DNAH10: variants seen among roughly 807,000 people sequenced by gnomAD.
DNAH10 encodes the protein axonemal beta dynein heavy chain 10.
A neutral mutation model predicts 506.6 loss-of-function variants in DNAH10; 348 were observed. The observed-to-expected ratio is 0.69, with a 90% CI of 0.63 to 0.75. The LOEUF is 0.75. Among genes scored for constraint, DNAH10 ranks in the 30% least tolerant of loss-of-function variants. The pLI is 0.00. For missense variants in DNAH10, 5,179 were observed against 5,787.1 expected, an observed-to-expected ratio of 0.89 and a Z score of 3.41; for synonymous variants, 2,059 against 2,198.6, an observed-to-expected ratio of 0.94 and a Z score of 1.78.
In DNAH10 at chr12:123,881,756, A is replaced by G. The variant is rs964683087; in HGVS notation, c.8766A>G (p.Val2922=). 1.2e-5 allele frequency: 19 copies of G among 1,540,792 alleles called. No individual in the cohort carries two copies. Among genetic ancestry groups the G allele is most frequent in the Non-Finnish European group, 1.5e-5 (17 of 1,141,754 alleles). Residue 2922 remains valine (V), a synonymous_variant, in exon 51 of 79, where the codon GTA becomes GTG. Coordinates refer to ENST00000673944, the MANE Select transcript of DNAH10 (RefSeq NM_001372106.1). ...GCGGCCACGCCCTGCTGGTCGGGGTAGGGGGCTCAGGGAAGCAGTCTCTTT... is the reference window on the plus strand; with the variant it reads ...GCGGCCACGCCCTGCTGGTCGGGGTGGGGGGCTCAGGGAAGCAGTCTCTTT... ...MDRGHALLVG[V]GGSGKQSLSR... is the part of the protein sequence containing the mutation.
chr12:123,904,458 T>G (rs1166395784), intron 57 of DNAH10, among the ~76,000 whole-genome samples: 1 of 152,006 alleles, frequency 6.6e-6, no homozygotes, highest in African/African-American at 2.4e-5. Flanking sequence ...GGAAGGATTT[T>G]TGAAGGGGAT....
intron 18 of DNAH10, among the ~76,000 whole-genome samples, chr12:123,805,498 G>A (rs935499296): frequency 1.3e-5 from 2 of 152,108 alleles, no homozygotes; most frequent in African/African-American, 4.8e-5. Flanking sequence ...TTCCCTCCTG[G>A]GCCTCACCCT....
At chr12:123,807,929 A>G in intron 18 of DNAH10, among the ~76,000 whole-genome samples, 2 of 1,520 alleles carry the variant, frequency 1.3e-3, no homozygotes, top group Admixed American at 8.3e-3. Context: ...AGAGAAGGGG[A>G]GGGAAAAGGA....
At chr12:123,807,942 AGGAG>A (rs1297294858) in intron 18 of DNAH10, among the ~76,000 whole-genome samples, 7 of 1,198 alleles carry the variant, frequency 5.8e-3, no homozygotes, top group Non-Finnish European at 0.01. Flanking sequence ...GAAAAGGAGA[AGGAG>A]GGAGGGAGAG....
Position 123,853,236 on chromosome 12 carries a change from A to G in DNAH10, c.6322A>G (p.Lys2108Glu). The change falls in exon 36 of 79, where the codon AAG (lysine) becomes GAG (glutamate). Residue 2108 changes from lysine (K) to glutamate (E), a missense_variant. This residue lies in a region of DNAH10 where 4,844 missense variants were observed against 5,430.5 expected (regional missense o/e 0.89). Coordinates refer to ENST00000673944, the MANE Select transcript of DNAH10 (RefSeq NM_001372106.1). The surrounding 1 kb of genome is among the most constrained non-coding windows in gnomAD (Gnocchi z 4.7). ...GGCGAAAAAGATGACGGTTCTGTATAAGCTGGCCCGGGAGCAGCTGTCCAA... is the reference window on the plus strand; with the variant it reads ...GGCGAAAAAGATGACGGTTCTGTATGAGCTGGCCCGGGAGCAGCTGTCCAA... ...TLAKKMTVLY[K>E]LAREQLSKQY... is the part of the protein sequence containing the mutation. 6.2e-7 allele frequency: 1 copy of G among 1,610,002 alleles called. No homozygotes were observed. Among genetic ancestry groups the G allele is most frequent in the African/African-American group, 1.3e-5 (1 of 74,884 alleles).
Position 123,893,396 on chromosome 12 carries a change from A to T in DNAH10, c.9159A>T (p.Pro3053=). The change falls in exon 53 of 79, where the codon CCA becomes CCT. Residue 3053 remains proline, a synonymous_variant. Coordinates refer to ENST00000673944, the MANE Select transcript of DNAH10 (RefSeq NM_001372106.1). ...TGCACATTGTCCTGGGCATGTCGCCAGTGGGGGACACCCTGAGGACCTGGT... is the reference window on the plus strand; with the variant it reads ...TGCACATTGTCCTGGGCATGTCGCCTGTGGGGGACACCCTGAGGACCTGGT... ...NNLHIVLGMS[P]VGDTLRTWCR... 6.2e-7 allele frequency: 1 copy of T among 1,613,374 alleles called. No homozygotes were observed. Among genetic ancestry groups the T allele is most frequent in the Non-Finnish European group, 8.5e-7 (1 of 1,179,892 alleles).
At chr12:123,837,537 A>G (rs749992426) in intron 28 of DNAH10, among the ~76,000 whole-genome samples, 1 of 151,908 alleles carries the variant, frequency 6.6e-6, no homozygotes, top group Middle Eastern at 3.4e-3. Flanking sequence ...AAACATACAA[A>G]TAGATATAAA....
rs376155378 is a variant in DNAH10, at chr12:123,857,097, C to G, written c.6480C>G (p.Pro2160=). ...GGGCCTTGCGAGACATGAACTTGCC[C>G]AAATTTGTGTTTGAAGATGTTCCTC... is the stretch of plus-strand genomic sequence containing the variant. ...LMRALRDMNL[P]KFVFEDVPLF... The change falls in exon 37 of 79, where the codon CCC becomes CCG. Residue 2160 remains proline (P), a synonymous_variant. Transcript: ENST00000673944. The G allele has an allele frequency of 8.7e-6, 14 of 1,612,956 alleles. 1 individual carries two copies. The African/African-American group carries it at 1.7e-4, about 20-fold the overall frequency.
Position 123,925,322 on chromosome 12 carries a change from C to T in DNAH10, c.11921+118C>T. 1 of 1,331,412 alleles carries T rather than the reference C, an allele frequency of 7.5e-7. No individual in the cohort carries two copies. Among genetic ancestry groups the T allele is most frequent in the South Asian group, 1.3e-5 (1 of 74,334 alleles). The allele number at this position is 1,331,412 out of a possible 1,614,324, so 82.5% of individuals were successfully genotyped here. On this transcript the variant is annotated intron_variant, in intron 68 of 78. Coordinates refer to ENST00000673944, the MANE Select transcript of DNAH10 (RefSeq NM_001372106.1). This position sits in a 1 kb window ranked among gnomAD's most constrained non-coding sequence, Gnocchi z 4.0. ...AGCTCCCGAGACAGCTGTCGCCACCCTGCTGTACAATATTCGATAGCCGAT... is the reference window on the plus strand; with the variant it reads ...AGCTCCCGAGACAGCTGTCGCCACCTTGCTGTACAATATTCGATAGCCGAT...
intron 1 of DNAH10, among the ~76,000 whole-genome samples, chr12:123,766,519 A>G (rs1433853416): frequency 6.6e-6 from 1 of 152,226 alleles, no homozygotes; most frequent in Non-Finnish European, 1.5e-5. Context: ...ATAGATTTAA[A>G]TACATAGATG....
intron 21 of DNAH10, chr12:123,814,148 CCTTTT>C (rs1408066723): frequency 2.2e-5 from 8 of 361,762 alleles, no homozygotes; most frequent in Admixed American, 4.5e-5. Flanking sequence ...TTCCATTCTC[CCTTTT>C]CTTTTCTTCT....
intron 25 of DNAH10, among the ~76,000 whole-genome samples, chr12:123,828,438 A>G (rs371166680): frequency 2.0e-5 from 3 of 152,162 alleles, no homozygotes; most frequent in Non-Finnish European, 4.4e-5. Context: ...TTAGGGTGGG[A>G]GAGCTTATCT....
chr12:123,799,470 C>A, intron 14 of DNAH10, 99 bp downstream of exon 14: 2 of 1,457,572 alleles, frequency 1.4e-6, no homozygotes, highest in South Asian at 1.5e-5. Context: ...GAAGTTGGGT[C>A]AGTTTCCAGA....
chr12:123,886,494 C>CGTGT lies in DNAH10; in HGVS notation c.8824-634_8824-631dup, dbSNP rs751962813. On this transcript the variant is annotated intron_variant, in intron 51 of 78. Coordinates refer to ENST00000673944, the MANE Select transcript of DNAH10 (RefSeq NM_001372106.1). The stretch of plus-strand genomic sequence containing the variant: ...GCGCGCGCGCGCGTGTGTGTGCACA[C>CGTGT]GTGTGTGTGTGTGTGTGAGCATGTG... Among the ~76,000 whole-genome samples the CGTGT allele has an allele frequency of 5.3e-5, 8 of 151,032 alleles. No homozygotes were observed. In the East Asian group the frequency reaches 7.8e-4, roughly 15 times the overall value.
At chr12:123,803,960 A>G (rs764001537) in intron 17 of DNAH10, 135 bp downstream of exon 17, 5 of 802,546 alleles carry the variant, frequency 6.2e-6, no homozygotes, top group Non-Finnish European at 7.4e-6. Flanking sequence ...AACCATTTCT[A>G]ATGCTCTCAG....
chr12:123,906,672 A>G (rs1016577544), intron 57 of DNAH10, among the ~76,000 whole-genome samples: 1 of 152,016 alleles, frequency 6.6e-6, no homozygotes, highest in African/African-American at 2.4e-5. Flanking sequence ...TCTTTTATCT[A>G]TTGAGGATTT....
chr12:123,792,290 A>G (rs747906402), intron 11 of DNAH10, among the ~76,000 whole-genome samples: 4 of 152,072 alleles, frequency 2.6e-5, no homozygotes, highest in Admixed American at 6.6e-5. Flanking sequence ...TTATGTACCC[A>G]TTGTTAATTT....
rs747835818 is a variant in DNAH10 at position 123,926,822 on chromosome 12, T to C, written c.12105+2T>C. On this transcript the variant is annotated splice_donor_variant, in intron 69 of 78. Transcript: ENST00000673944. LOFTEE classifies it high-confidence loss of function. The surrounding 1 kb of genome is among the most constrained non-coding windows in gnomAD (Gnocchi z 4.1). The stretch of plus-strand genomic sequence containing the variant: ...GCAATGGGTCAAGGTCAAGAAAAGG[T>C]AATTTGTGGCTGAAAGGAACAAGCT... 6.2e-7 allele frequency: 1 copy of C among 1,613,632 alleles called. No individual in the cohort carries two copies. Among genetic ancestry groups the C allele is most frequent in the Admixed American group, 1.7e-5 (1 of 59,974 alleles).
At chr12:123,770,997 T>A (rs11057350) in intron 2 of DNAH10, among the ~76,000 whole-genome samples, 9,426 of 133,552 alleles carry the variant, frequency 0.071, 418 homozygotes, top group South Asian at 0.12. Context: ...TTTTTTGAGA[T>A]GGAGTCTCGC....
Sources: allele counts gnomAD v4.1 joint callset (sites outside exome capture counted in the v4.1 genomes callset), GRCh38; gene constraint gnomAD v4.1.1; regional missense constraint gnomAD v4.1.1; non-coding constraint Gnocchi (gnomAD v3.1); transcripts MANE v1.5; gene names NCBI Gene and HGNC (gene_info 2026-07-23, HGNC 2026-07-21).